FAM107B: variants seen among roughly 807,000 people sequenced by gnomAD.
FAM107B encodes the protein family with sequence similarity 107 member B.
Under a neutral mutation model 31.5 loss-of-function variants are expected in FAM107B, and 21 were observed. The observed-to-expected ratio is 0.67, with a 90% CI of 0.47 to 0.96. The LOEUF (loss-of-function observed/expected upper bound fraction) is 0.96, where lower values mean the gene tolerates loss of function less well. Ranked by LOEUF, FAM107B falls within the 40% of genes least tolerant of loss-of-function variation. The pLI is 0.00. For synonymous variants in FAM107B, 157 were observed against 141.5 expected (o/e 1.11, Z -0.78); for missense variants, 452 against 377.1 (o/e 1.20, Z -1.64).
intron 2 of FAM107B, among the ~76,000 whole-genome samples, chr10:14,635,656 C>T (rs891493843): frequency 6.6e-6 from 1 of 151,866 alleles, no homozygotes; most frequent in African/African-American, 2.4e-5. Flanking sequence ...TTTTGAGATG[C>T]AGTCTCGTTC....
intron 2 of FAM107B, among the ~76,000 whole-genome samples, chr10:14,631,578 C>G (rs549471219): frequency 6.6e-6 from 1 of 152,326 alleles, no homozygotes; most frequent in South Asian, 2.1e-4. Flanking sequence ...AAGAAGTCTA[C>G]CACCATGCCC....
chr10:14,526,399 C>T (rs1369973010), intron 3 of FAM107B, among the ~76,000 whole-genome samples: 2 of 152,250 alleles, frequency 1.3e-5, no homozygotes, highest in Admixed American at 1.3e-4. Flanking sequence ...TGCTCTCAAA[C>T]TCCTGACCTC....
chr10:14,599,178 A>G (rs1852283508), intron 2 of FAM107B, among the ~76,000 whole-genome samples: 1 of 152,026 alleles, frequency 6.6e-6, no homozygotes, highest in Non-Finnish European at 1.5e-5. Flanking sequence ...CCTTGTTTCT[A>G]CGGGAGACTT....
chr10:14,521,847 G>A, intron 4 of FAM107B, 22 bp downstream of exon 4: 1 of 1,604,726 alleles, frequency 6.2e-7, no homozygotes, highest in Non-Finnish European at 8.5e-7. Context: ...AAAAAAGACA[G>A]CTTCCAGCCA....
chr10:14,558,567 T>C (rs1849918123), intron 2 of FAM107B, among the ~76,000 whole-genome samples: 1 of 149,904 alleles, frequency 6.7e-6, no homozygotes, highest in Non-Finnish European at 1.5e-5. Flanking sequence ...AGAAGCCATC[T>C]GGCTACTGCT....
chr10:14,638,391 T>C (rs1048284554), intron 2 of FAM107B, among the ~76,000 whole-genome samples: 11 of 152,112 alleles, frequency 7.2e-5, no homozygotes, highest in African/African-American at 2.4e-4. Flanking sequence ...GTAGAAGCAT[T>C]ATGCTCCCTT....
At chr10:14,724,318 TA>T (rs1855980241) in intron 1 of FAM107B, among the ~76,000 whole-genome samples, 1 of 152,244 alleles carries the variant, frequency 6.6e-6, no homozygotes, top group Admixed American at 6.5e-5. Flanking sequence ...TTCTTTTGCT[TA>T]TGTCTATCCA....
chr10:14,630,733 C>T (rs1024120229), intron 2 of FAM107B, among the ~76,000 whole-genome samples: 6 of 151,996 alleles, frequency 3.9e-5, no homozygotes, highest in African/African-American at 1.4e-4. Flanking sequence ...AGCCTGTAGT[C>T]CCAGCTACTT....
chr10:14,523,415 C>G (rs79560796), intron 3 of FAM107B, among the ~76,000 whole-genome samples: 3,377 of 152,366 alleles, frequency 0.022, 64 homozygotes, highest in East Asian at 0.089. Flanking sequence ...ATGCTACGCA[C>G]GCAGGCATGT....
chr10:14,576,294 C>T (rs996789537), intron 2 of FAM107B, among the ~76,000 whole-genome samples: 3 of 152,098 alleles, frequency 2.0e-5, no homozygotes, highest in Admixed American at 2.0e-4. Context: ...TTTGGGAGGC[C>T]GAGGCGGGTG....
chr10:14,591,364 C>A (rs908990855), intron 2 of FAM107B, among the ~76,000 whole-genome samples: 8 of 152,234 alleles, frequency 5.3e-5, no homozygotes, highest in African/African-American at 1.9e-4. Context: ...GTAACATCCA[C>A]AGAAGACCGT....
intron 2 of FAM107B, among the ~76,000 whole-genome samples, chr10:14,661,175 A>T (rs1588690538): frequency 6.6e-6 from 1 of 152,078 alleles, no homozygotes; most frequent in East Asian, 1.9e-4. Flanking sequence ...TTCCAATTAA[A>T]CCTCTTTTCT....
rs1483640850 is a variant in FAM107B, at chr10:14,519,067, C to T, written c.*2123G>A. On this transcript the variant is annotated 3_prime_UTR_variant, in exon 5 of 5. Transcript: ENST00000181796. ...ATAAGACACCACTTTACGCTATTTA[C>T]AAGTCTCCTTTTGGCCAGATTTTGT... 1 of 152,318 alleles carries T rather than the reference C, an allele frequency of 6.6e-6. No homozygotes were observed. Among genetic ancestry groups the T allele is most frequent in the Non-Finnish European group, 1.5e-5 (1 of 68,032 alleles). The allele number at this position is 152,318 out of a possible 1,614,324, so 9.4% of individuals were successfully genotyped here.
rs773750659 is a variant in FAM107B at position 14,774,619 on chromosome 10, G to A, written c.45C>T (p.Pro15=). 5.6e-6 allele frequency: 9 copies of A among 1,614,008 alleles called. No homozygotes were observed. In the East Asian group the frequency reaches 6.7e-5, roughly 12 times the overall value. ...ACGGAAATGGATGCATGCTTCTAGA[G>A]GGAGACTTCAGTCTTTTGGTGAGTC... is the stretch of plus-strand genomic sequence containing the variant. ...KARLTKRLKS[P]SRSMHPFPCS... Residue 15 remains proline (P), a synonymous_variant, in exon 1 of 5, where the codon CCC becomes CCT. Transcript: ENST00000181796.
chr10:14,721,251 G>T (rs1314209054), intron 1 of FAM107B, among the ~76,000 whole-genome samples: 2 of 152,122 alleles, frequency 1.3e-5, no homozygotes, highest in Non-Finnish European at 2.9e-5. Context: ...ATCATTGATG[G>T]ACATTTGGGT....
intron 1 of FAM107B, among the ~76,000 whole-genome samples, chr10:14,773,413 G>A (rs934726800): frequency 5.9e-5 from 9 of 152,182 alleles, no homozygotes; most frequent in African/African-American, 1.9e-4. Flanking sequence ...AGACTTCTCA[G>A]TTTTTTAAGT....
rs1457431005 is a variant in FAM107B at position 14,530,439 on chromosome 10, T to A, written c.546A>T (p.Ile182=). ...TRSIMAEPDY[I]EDDNPELIRP... ...TAATGAGTTCAGGATTGTCATCTTC[T>A]ATGTAGTCTGGCTCGGCCATGATGC... The change falls in exon 3 of 5, where the codon ATA becomes ATT. Residue 182 remains isoleucine, a synonymous_variant. Transcript: ENST00000181796. 6.2e-7 allele frequency: 1 copy of A among 1,614,190 alleles called. No individual in the cohort carries two copies. The highest frequency in any genetic ancestry group is 8.5e-7 in the Non-Finnish European group (1 of 1,180,024).
chr10:14,536,060 G>A (rs747394685), intron 2 of FAM107B, among the ~76,000 whole-genome samples: 17 of 152,208 alleles, frequency 1.1e-4, no homozygotes, highest in East Asian at 1.9e-4. Flanking sequence ...AACCCAGACC[G>A]TAGCTGGCTT....
At chr10:14,657,849 C>T (rs534616123) in intron 2 of FAM107B, among the ~76,000 whole-genome samples, 28 of 151,480 alleles carry the variant, frequency 1.8e-4, no homozygotes, top group East Asian at 5.8e-4. Context: ...CTCACTCTGT[C>T]GCCCAGTCTG....
Sources: gnomAD v4.1 joint callset for allele counts (sites outside exome capture counted in the v4.1 genomes callset) on GRCh38, gnomAD v4.1.1 for gene constraint, MANE v1.5 for transcripts, NCBI Gene and HGNC (gene_info 2026-07-23, HGNC 2026-07-21) for gene names.